LANCL3: variants seen among roughly 807,000 people sequenced by gnomAD.
The protein encoded by LANCL3 is lanC-like protein 3.
In LANCL3, 19 loss-of-function variants were observed where a neutral mutation model predicts 26.5. That is an observed-to-expected ratio of 0.72 (90% CI 0.50 to 1.05). The LOEUF (loss-of-function observed/expected upper bound fraction) is 1.05, where lower values mean the gene tolerates loss of function less well. Ranked by LOEUF, LANCL3 falls within the 50% of genes least tolerant of loss-of-function variation. The pLI, the probability that LANCL3 is intolerant of heterozygous loss-of-function variation, is 0.00. For missense variants in LANCL3, 318 were observed against 362.7 expected, an observed-to-expected ratio of 0.88 and a Z score of 1.00; for synonymous variants, 160 against 166.6, an observed-to-expected ratio of 0.96 and a Z score of 0.30.
intron 1 of LANCL3, among the ~76,000 whole-genome samples, chrX:37,621,661 A>G (rs185199823): frequency 2.2e-4 from 25 of 112,601 alleles, no homozygotes; most frequent in Non-Finnish European, 4.5e-4. Context: ...TTAAAAGATA[A>G]TTTTGGACTA....
intron 1 of LANCL3, among the ~76,000 whole-genome samples, chrX:37,601,900 A>G (rs1924583688): frequency 8.9e-6 from 1 of 112,041 alleles, no homozygotes; most frequent in Admixed American, 9.5e-5. Context: ...ACCTTGAAAA[A>G]TATTGGGGTC....
chrX:37,656,490 G>A (rs1291948155), intron 2 of LANCL3, among the ~76,000 whole-genome samples: 2 of 111,607 alleles, frequency 1.8e-5, no homozygotes, highest in Non-Finnish European at 3.8e-5. Flanking sequence ...TTATCTATCT[G>A]TAATAATTAT....
chrX:37,575,440 A>G (rs782339084), intron 1 of LANCL3, among the ~76,000 whole-genome samples: 1 of 111,713 alleles, frequency 9.0e-6, no homozygotes, highest in Non-Finnish European at 1.9e-5. Context: ...TTAGATGCCC[A>G]GCTTTGTGTG....
chrX:37,629,863 A>G (rs1348096361), intron 1 of LANCL3, among the ~76,000 whole-genome samples: 3 of 111,193 alleles, frequency 2.7e-5, no homozygotes, highest in Non-Finnish European at 3.8e-5. Flanking sequence ...CTTGTAGTAT[A>G]GTTTGAAGTC....
At chrX:37,632,805 G>C (rs1156867265) in intron 1 of LANCL3, among the ~76,000 whole-genome samples, 2 of 112,214 alleles carry the variant, frequency 1.8e-5, no homozygotes, top group African/African-American at 6.5e-5. Flanking sequence ...GGCTTGTAGA[G>C]TTTCTGCCAA....
chrX:37,610,488 CTA>C (rs1342726571), intron 1 of LANCL3, among the ~76,000 whole-genome samples: 2 of 111,231 alleles, frequency 1.8e-5, no homozygotes, highest in Non-Finnish European at 3.8e-5. Context: ...AAGGTATGTT[CTA>C]TGTTTTCAAT....
intron 1 of LANCL3, among the ~76,000 whole-genome samples, chrX:37,585,409 C>T (rs1326724593): frequency 1.8e-5 from 2 of 111,302 alleles, no homozygotes; most frequent in African/African-American, 3.3e-5. Flanking sequence ...TAAATTCTCC[C>T]ATTATTATTG....
At chrX:37,600,023 G>A (rs1285200694) in intron 1 of LANCL3, among the ~76,000 whole-genome samples, 11 of 111,757 alleles carry the variant, frequency 9.8e-5, no homozygotes, top group African/African-American at 3.3e-4. Flanking sequence ...GTGTATCCAT[G>A]ACATGCTTCC....
At chrX:37,631,418 A>AT (rs1478268902) in intron 1 of LANCL3, among the ~76,000 whole-genome samples, 4 of 111,302 alleles carry the variant, frequency 3.6e-5, no homozygotes, top group African/African-American at 9.8e-5. Flanking sequence ...GGATTCATTG[A>AT]TTTTTTGAAG....
In LANCL3 at chrX:37,632,312, C is replaced by A. The variant is rs782482457; in HGVS notation, c.574-23376C>A. Among the ~76,000 whole-genome samples the A allele has an allele frequency of 6.3e-5, 7 of 111,449 alleles. No homozygotes were observed. The South Asian group carries it at 2.6e-3, about 42-fold the overall frequency. ...TTTATTTTCCATTTGCTTGGTAGAT[C>A]TTCCTCCATCCTTTTATTTTGAGCC... On this transcript the variant is annotated intron_variant, in intron 1 of 4. Transcript: ENST00000378619.
intron 1 of LANCL3, among the ~76,000 whole-genome samples, chrX:37,632,210 C>G (rs369417254): frequency 5.4e-5 from 6 of 111,809 alleles, no homozygotes; most frequent in South Asian, 3.7e-4. Flanking sequence ...TTATGTAATG[C>G]CCTTCTTTGT....
At chrX:37,588,623 T>G (rs1194993806) in intron 1 of LANCL3, among the ~76,000 whole-genome samples, 3 of 112,041 alleles carry the variant, frequency 2.7e-5, no homozygotes, top group Non-Finnish European at 5.6e-5. Context: ...TATTTGATCT[T>G]TCTTTTTGCA....
chrX:37,663,630 G>A (rs1037767157), intron 3 of LANCL3, among the ~76,000 whole-genome samples: 17 of 111,288 alleles, frequency 1.5e-4, no homozygotes, highest in African/African-American at 4.9e-4. Context: ...GTCAGATTAC[G>A]GTCCTAGAAA....
intron 1 of LANCL3, among the ~76,000 whole-genome samples, chrX:37,610,941 A>G (rs1037252071): frequency 8.9e-6 from 1 of 111,933 alleles, no homozygotes; most frequent in African/African-American, 3.3e-5. Flanking sequence ...CCCAGGAAAC[A>G]TAGTGAGGGA....
intron 1 of LANCL3, among the ~76,000 whole-genome samples, chrX:37,575,649 C>T: frequency 1.8e-5 from 2 of 112,230 alleles, no homozygotes; most frequent in Middle Eastern, 4.7e-3. Flanking sequence ...TAAAGCAGTG[C>T]TTCTTAAACT....
At chrX:37,662,966 A>G (rs1926458398) in intron 3 of LANCL3, among the ~76,000 whole-genome samples, 1 of 111,174 alleles carries the variant, frequency 9.0e-6, no homozygotes, top group Non-Finnish European at 1.9e-5. Context: ...AGGCTCTTTC[A>G]CCCTGGCCAG....
chrX:37,619,716 G>A (rs2146743524), intron 1 of LANCL3, among the ~76,000 whole-genome samples: 1 of 111,707 alleles, frequency 9.0e-6, no homozygotes, highest in African/African-American at 3.2e-5. Context: ...TACTCCGCAG[G>A]TATCAGTCTC....
chrX:37,655,608 A>G (rs1465874195), intron 1 of LANCL3, 80 bp from the exon 2 acceptor site: 1 of 866,033 alleles, frequency 1.2e-6, no homozygotes, highest in East Asian at 3.5e-5. Flanking sequence ...ATGATGCTAG[A>G]CTTCTTAAGC....
chrX:37,636,327 C>T (rs1327188454), intron 1 of LANCL3, among the ~76,000 whole-genome samples: 1 of 111,682 alleles, frequency 9.0e-6, no homozygotes, highest in Non-Finnish European at 1.9e-5. Flanking sequence ...TGGGTATATA[C>T]CCAATAATGG....
Sources: gnomAD v4.1 joint callset for allele counts (sites outside exome capture counted in the v4.1 genomes callset) on GRCh38, gnomAD v4.1.1 for gene constraint, MANE v1.5 for transcripts, NCBI Gene and HGNC (gene_info 2026-07-23, HGNC 2026-07-21) for gene names.